The following KCNIP4 variants were observed in gnomAD, a reference collection of about 807,000 sequenced individuals.
The protein encoded by KCNIP4 is Kv channel-interacting protein 4.
In KCNIP4, 12 loss-of-function variants were observed where a neutral mutation model predicts 34.0. The ratio of observed to expected loss-of-function variants is 0.35; its 90% CI spans 0.23 to 0.57. KCNIP4 has a LOEUF of 0.57. Among genes scored for constraint, KCNIP4 ranks in the 20% least tolerant of loss-of-function variants. The probability of loss-of-function intolerance (pLI) is 0.83; values close to 1 mark genes in which losing one functional copy is unlikely to be tolerated. For missense variants in KCNIP4, 238 were observed against 311.7 expected (o/e 0.76, Z 1.78); for synonymous variants, 124 against 102.2 (o/e 1.21, Z -1.29).
intron 1 of KCNIP4, among the ~76,000 whole-genome samples, chr4:21,278,771 T>G (rs1762597085): frequency 6.6e-6 from 1 of 152,170 alleles, no homozygotes; most frequent in Admixed American, 6.6e-5. Flanking sequence ...GATGGGGAAT[T>G]ACAGTTTGAG....
At chr4:21,242,247 C>T (rs1759882332) in intron 1 of KCNIP4, among the ~76,000 whole-genome samples, 1 of 150,184 alleles carries the variant, frequency 6.7e-6, no homozygotes, top group Non-Finnish European at 1.5e-5. Context: ...AAATGTGAAG[C>T]ATTTCTCTGA....
At chr4:20,790,828 C>T (rs1283010678) in intron 3 of KCNIP4, among the ~76,000 whole-genome samples, 2 of 152,190 alleles carry the variant, frequency 1.3e-5, no homozygotes, top group Non-Finnish European at 2.9e-5. Flanking sequence ...CAGACCTTGA[C>T]AAGTTGGTTT....
intron 3 of KCNIP4, among the ~76,000 whole-genome samples, chr4:20,802,868 G>A (rs926395482): frequency 6.6e-6 from 1 of 151,998 alleles, no homozygotes; most frequent in East Asian, 1.9e-4. Flanking sequence ...AGGTCAGGAG[G>A]ATCAAGACCA....
intron 1 of KCNIP4, among the ~76,000 whole-genome samples, chr4:21,722,582 T>G (rs191901750): frequency 3.0e-4 from 45 of 152,268 alleles, no homozygotes; most frequent in African/African-American, 1.0e-3. Flanking sequence ...CAGATTTAAT[T>G]CAACACGTCA....
intron 1 of KCNIP4, among the ~76,000 whole-genome samples, chr4:21,933,388 C>T (rs1281216383): frequency 6.6e-6 from 1 of 152,086 alleles, no homozygotes; most frequent in Non-Finnish European, 1.5e-5. Flanking sequence ...AGGACCTCCT[C>T]ATTTCACGTA....
intron 1 of KCNIP4, among the ~76,000 whole-genome samples, chr4:21,287,062 A>C (rs1763165788): frequency 6.6e-6 from 1 of 152,154 alleles, no homozygotes; most frequent in Non-Finnish European, 1.5e-5. Context: ...AATGTGTCCA[A>C]AATTTTATGA....
chr4:21,598,369 T>C (rs73254313), intron 1 of KCNIP4, among the ~76,000 whole-genome samples: 1 of 152,094 alleles, frequency 6.6e-6, no homozygotes, highest in Non-Finnish European at 1.5e-5. Context: ...TTGTAAAGCA[T>C]CAGATAGTAC....
At chr4:21,108,912 G>A (rs1404352275) in intron 1 of KCNIP4, among the ~76,000 whole-genome samples, 5 of 152,268 alleles carry the variant, frequency 3.3e-5, no homozygotes, top group South Asian at 2.1e-4. Flanking sequence ...GCAGAACAGC[G>A]GATTTTCGTG....
chr4:21,104,721 G>A (rs181326762), intron 1 of KCNIP4, among the ~76,000 whole-genome samples: 16 of 151,738 alleles, frequency 1.1e-4, no homozygotes, highest in Admixed American at 9.2e-4. Context: ...GGTTTTTATG[G>A]TTTTAGCTCT....
At chr4:21,558,197 A>C (rs2109027468) in intron 1 of KCNIP4, among the ~76,000 whole-genome samples, 1 of 152,246 alleles carries the variant, frequency 6.6e-6, no homozygotes, top group African/African-American at 2.4e-5. Context: ...CTGTTACCTT[A>C]AATGGGATTT....
At chr4:21,919,616 T>C (rs776621582) in intron 1 of KCNIP4, among the ~76,000 whole-genome samples, 3 of 151,976 alleles carry the variant, frequency 2.0e-5, no homozygotes, top group Non-Finnish European at 4.4e-5. Flanking sequence ...TTATGATGAG[T>C]CTATCTAGAT....
At chr4:21,732,270 G>A (rs1227838643) in intron 1 of KCNIP4, among the ~76,000 whole-genome samples, 2 of 151,788 alleles carry the variant, frequency 1.3e-5, no homozygotes, top group African/African-American at 4.8e-5. Context: ...TACGTGCTAG[G>A]ATGAAATGAT....
chr4:21,751,375 G>C (rs1382847671), intron 1 of KCNIP4, among the ~76,000 whole-genome samples: 2 of 152,038 alleles, frequency 1.3e-5, no homozygotes, highest in Non-Finnish European at 2.9e-5. Flanking sequence ...ATTATTAATT[G>C]TGTTAGGTGT....
intron 1 of KCNIP4, among the ~76,000 whole-genome samples, chr4:20,990,415 CTA>C (rs1212882647): frequency 6.6e-6 from 1 of 152,158 alleles, no homozygotes; most frequent in Non-Finnish European, 1.5e-5. Flanking sequence ...GTCCATTAAA[CTA>C]TTAAGTACCA....
chr4:21,620,656 G>A (rs2109175114), intron 1 of KCNIP4, among the ~76,000 whole-genome samples: 1 of 152,242 alleles, frequency 6.6e-6, no homozygotes, highest in African/African-American at 2.4e-5. Context: ...ATGAAAAATA[G>A]TTGCAAAGAT....
rs71189700 is a variant in KCNIP4 at position 21,400,465 on chromosome 4, T to TTCCTCTCCTCTCCTCTCCTC, written c.62-517776_62-517757dup. On this transcript the variant is annotated intron_variant, in intron 1 of 8. Coordinates refer to ENST00000382152, the MANE Select transcript of KCNIP4 (RefSeq NM_025221.6). ...TTGCCATTTCCTATTTTTCTTTCTG[T>TTCCTCTCCTCTCCTCTCCTC]TCCTCTCCTCTCCTCTCCTCTCCTC... Among the ~76,000 whole-genome samples, 278 of 117,930 alleles carry TTCCTCTCCTCTCCTCTCCTC rather than the reference T, an allele frequency of 2.4e-3. 9 individuals are homozygous for TTCCTCTCCTCTCCTCTCCTC. The highest frequency in any genetic ancestry group is 9.4e-3 in the African/African-American group (260 of 27,728). 77.4% of individuals were successfully genotyped at this position (117,930 alleles called of 152,430 possible). A position where few individuals can be genotyped will look rare whatever the true frequency, so the allele number is the denominator to read the frequency against.
At chr4:21,584,221 CTT>C (rs1318845654) in intron 1 of KCNIP4, among the ~76,000 whole-genome samples, 1 of 151,976 alleles carries the variant, frequency 6.6e-6, no homozygotes, top group East Asian at 1.9e-4. Context: ...AAATGAGTGT[CTT>C]TTTCTTCCTA....
chr4:20,941,699 C>T (rs1158904687), intron 1 of KCNIP4, among the ~76,000 whole-genome samples: 1 of 152,074 alleles, frequency 6.6e-6, no homozygotes, highest in East Asian at 1.9e-4. Context: ...TCTTCTATTT[C>T]AAATGTCATT....
At chr4:21,886,004 C>T (rs1726742946) in intron 1 of KCNIP4, among the ~76,000 whole-genome samples, 2 of 152,060 alleles carry the variant, frequency 1.3e-5, no homozygotes, top group Admixed American at 6.6e-5. Context: ...CCATAATCCC[C>T]TTGTCATGTG....
Sources: allele counts gnomAD v4.1 joint callset (sites outside exome capture counted in the v4.1 genomes callset), GRCh38; gene constraint gnomAD v4.1.1; transcripts MANE v1.5; gene names NCBI Gene and HGNC (gene_info 2026-07-23, HGNC 2026-07-21).